The following PAM variants were observed in gnomAD, a reference collection of about 807,000 sequenced individuals.
PAM encodes peptidyl-glycine alpha-amidating monooxygenase.
A neutral mutation model predicts 122.1 loss-of-function variants in PAM; 72 were observed. That is an observed-to-expected ratio of 0.59 (90% confidence interval 0.49 to 0.72). The LOEUF is 0.72. Ranked by LOEUF, PAM falls within the 30% of genes least tolerant of loss-of-function variation. The pLI is 0.00. For synonymous variants in PAM, 389 were observed against 404.4 expected (o/e 0.96, Z 0.46); for missense variants, 1,106 against 1,183.7 (o/e 0.93, Z 0.96).
intron 6 of PAM, among the ~76,000 whole-genome samples, chr5:102,925,605 CCT>C (rs1749157298): frequency 1.3e-5 from 2 of 152,082 alleles, no homozygotes; most frequent in Admixed American, 1.3e-4. Context: ...TACACATGCA[CCT>C]CTCTTTCCTC....
chr5:102,784,122 T>G (rs1217471853), intron 1 of PAM, among the ~76,000 whole-genome samples: 1 of 152,110 alleles, frequency 6.6e-6, no homozygotes, highest in African/African-American at 2.4e-5. Flanking sequence ...CTCGATCTCC[T>G]GACCTTGTGA....
chr5:102,983,215 C>T (rs751774834), intron 15 of PAM, among the ~76,000 whole-genome samples: 2 of 151,888 alleles, frequency 1.3e-5, no homozygotes, highest in Non-Finnish European at 1.5e-5. Flanking sequence ...GAGGCTGAGG[C>T]GGGTAGATTG....
At chr5:102,985,525 A>G (rs1221843367) in intron 15 of PAM, among the ~76,000 whole-genome samples, 4 of 152,084 alleles carry the variant, frequency 2.6e-5, no homozygotes, top group Non-Finnish European at 5.9e-5. Context: ...CTGGATGCAT[A>G]TAACCTACCA....
chr5:102,793,425 G>A lies in PAM; in HGVS notation c.-374+38077G>A, dbSNP rs564836008. On this transcript the variant is annotated intron_variant, in intron 1 of 25. Coordinates refer to ENST00000438793, the MANE Select transcript of PAM (RefSeq NM_001177306.2). ...ACACACCTGTGGTACTAGCTATTTG[G>A]GAGGCTGACGTGGGAGGATTGCTTG... Among the ~76,000 whole-genome samples the A allele has an allele frequency of 9.8e-4, 149 of 152,274 alleles. 1 individual carries two copies. The highest frequency in any genetic ancestry group is 3.4e-3 in the African/African-American group (140 of 41,580).
At chr5:102,828,917 G>C (rs1411179054) in intron 1 of PAM, among the ~76,000 whole-genome samples, 23 of 127,348 alleles carry the variant, frequency 1.8e-4, no homozygotes, top group African/African-American at 6.1e-4. Flanking sequence ...CCTACCTCAG[G>C]GTTTTTTTTT....
intron 5 of PAM, among the ~76,000 whole-genome samples, chr5:102,923,137 T>A (rs533730701): frequency 6.6e-6 from 1 of 152,334 alleles, no homozygotes; most frequent in East Asian, 1.9e-4. Flanking sequence ...TTATCAAGAC[T>A]TCCTGGTTCT....
chr5:102,780,564 A>G (rs1580974921), intron 1 of PAM, among the ~76,000 whole-genome samples: 1 of 151,988 alleles, frequency 6.6e-6, no homozygotes, highest in African/African-American at 2.4e-5. Context: ...GTACTTCATT[A>G]AAAAAAGGTC....
At chr5:102,966,735 C>A (rs749149267) in intron 14 of PAM, among the ~76,000 whole-genome samples, 30 of 152,134 alleles carry the variant, frequency 2.0e-4, no homozygotes, top group Non-Finnish European at 3.8e-4. Context: ...TGGCTCTAAT[C>A]ATGTTAACTT....
In PAM at chr5:102,867,386, C is replaced by T. The variant is rs757392901; in HGVS notation, c.203C>T (p.Pro68Leu). 6.2e-7 allele frequency: 1 copy of T among 1,608,048 alleles called. No homozygotes were observed. The highest frequency in any genetic ancestry group is 1.1e-5 in the South Asian group (1 of 90,606). ...ALDIRMPGVTPKQSDTYFCMS... is the reference protein window; with the variant it reads ...ALDIRMPGVTLKQSDTYFCMS... ...GATATTCGCATGCCTGGGGTTACAC[C>T]TAAACAGGTGAGAGGAATTTTGTCT... The change falls in exon 3 of 26, where the codon CCT becomes CTT. Residue 68 changes from proline (P) to leucine (L), a missense_variant. Around this residue, in one of 3 missense-constraint regions of PAM, gnomAD observed 670 missense variants for 690.3 expected, o/e 0.97. Transcript: ENST00000438793.
chr5:102,978,140 C>T (rs1255635595), intron 15 of PAM, among the ~76,000 whole-genome samples: 1 of 152,102 alleles, frequency 6.6e-6, no homozygotes, highest in Non-Finnish European at 1.5e-5. Flanking sequence ...ATTTGTGAGA[C>T]AGAGAATTTT....
chr5:102,814,846 T>C (rs1158548745), intron 1 of PAM, among the ~76,000 whole-genome samples: 2 of 151,954 alleles, frequency 1.3e-5, no homozygotes, highest in African/African-American at 2.4e-5. Context: ...CCAACCCCCA[T>C]CACACTTGCC....
chr5:102,988,628 G>C (rs116281180), intron 15 of PAM, among the ~76,000 whole-genome samples: 2,987 of 137,002 alleles, frequency 0.022, 93 homozygotes, highest in African/African-American at 0.092. Flanking sequence ...GAAAGGAAAG[G>C]GAAAAAAAAG....
intron 4 of PAM, 46 bp from the exon 5 acceptor site, chr5:102,913,888 G>T (rs1476906785): frequency 1.9e-6 from 2 of 1,047,828 alleles, no homozygotes; most frequent in South Asian, 2.5e-5. Context: ...TTGGTGCACA[G>T]AAGTGTAACT....
Position 102,864,548 on chromosome 5 carries a change from AG to A in PAM, c.-373-1274del, listed in dbSNP as rs1203516451. On this transcript the variant is annotated intron_variant, in intron 1 of 25. Transcript: ENST00000438793. Reference sequence around the variant, plus strand: ...GGTATCTAGAAAGCACTTATCATGAAGAATCTCACTTCATTTAAGGTTAGTG... The same window carrying A: ...GGTATCTAGAAAGCACTTATCATGAAAATCTCACTTCATTTAAGGTTAGTG... 3.9e-5 allele frequency: 6 copies of A among 152,314 alleles called. No homozygotes were observed. The East Asian group carries it at 1.2e-3, about 29-fold the overall frequency. 9.4% of individuals were successfully genotyped at this position (152,314 alleles called of 1,614,324 possible).
At chr5:102,882,010 T>C (rs1319986874) in intron 3 of PAM, among the ~76,000 whole-genome samples, 5 of 137,054 alleles carry the variant, frequency 3.6e-5, no homozygotes, top group Admixed American at 2.3e-4. Context: ...GTGAATGCCA[T>C]TATTTCATTC....
At position 102,957,008 on chromosome 5, in the gene PAM, T is replaced by A. The variant is rs114670206; in HGVS notation, c.906-2867T>A. The stretch of plus-strand genomic sequence containing the variant: ...CAGTATTAGTTGCTTCTTAAATCTC[T>A]AATGGATTTTTCTGAAAGCTTGAAC... On this transcript the variant is annotated intron_variant, in intron 12 of 25. Coordinates refer to ENST00000438793, the MANE Select transcript of PAM (RefSeq NM_001177306.2). Among the ~76,000 whole-genome samples the A allele has an allele frequency of 6.7e-3, 1,015 of 152,252 alleles. 8 individuals are homozygous for A. The highest frequency in any genetic ancestry group is 0.012 in the Non-Finnish European group (846 of 67,980).
chr5:102,926,497 C>A, intron 6 of PAM, 88 bp from the exon 7 acceptor site: 3 of 748,052 alleles, frequency 4.0e-6, no homozygotes, highest in Non-Finnish European at 7.2e-6. Context: ...TATGTTATTT[C>A]CCTTTGGAGT....
rs912315809 is a variant in PAM, at chr5:102,902,150, G to A, written c.268+737G>A. On this transcript the variant is annotated intron_variant, in intron 4 of 25. Transcript: ENST00000438793. ...TTCATTTTAAAACATTTGAGATGTTGATTTTGGAGAGAAAGTGTTGGTAGT... is the reference window on the plus strand; with the variant it reads ...TTCATTTTAAAACATTTGAGATGTTAATTTTGGAGAGAAAGTGTTGGTAGT... Among the ~76,000 whole-genome samples, 4 of 151,752 alleles carry A rather than the reference G, an allele frequency of 2.6e-5. No homozygotes were observed. In the South Asian group the frequency reaches 6.2e-4, roughly 24 times the overall value.
intron 1 of PAM, among the ~76,000 whole-genome samples, chr5:102,830,821 G>C (rs761649255): frequency 1.3e-5 from 2 of 152,188 alleles, no homozygotes; most frequent in Non-Finnish European, 2.9e-5. Flanking sequence ...AATTAAGCAT[G>C]TTTGCCTAAA....
Sources: gnomAD v4.1 joint callset for allele counts (sites outside exome capture counted in the v4.1 genomes callset) on GRCh38, gnomAD v4.1.1 for gene constraint, gnomAD v4.1.1 regional missense constraint, MANE v1.5 for transcripts, NCBI Gene and HGNC (gene_info 2026-07-23, HGNC 2026-07-21) for gene names.